MACROD2: variants seen among roughly 807,000 people sequenced by gnomAD.
MACROD2 encodes the protein mono-ADP ribosylhydrolase 2.
Under a neutral mutation model 70.4 loss-of-function variants are expected in MACROD2, and 36 were observed. The ratio of observed to expected loss-of-function variants is 0.51; its 90% confidence interval spans 0.39 to 0.68. The LOEUF (loss-of-function observed/expected upper bound fraction) is 0.68, where lower values mean the gene tolerates loss of function less well. Among genes scored for constraint, MACROD2 ranks in the 30% least tolerant of loss-of-function variants. The pLI, the probability that MACROD2 is intolerant of heterozygous loss-of-function variation, is 0.00. For missense variants in MACROD2, 496 were observed against 538.4 expected (o/e 0.92, Z 0.78); for synonymous variants, 172 against 178.8 (o/e 0.96, Z 0.30).
chr20:14,501,726 G>T (rs938350609), intron 4 of MACROD2, among the ~76,000 whole-genome samples: 1 of 152,078 alleles, frequency 6.6e-6, no homozygotes, highest in African/African-American at 2.4e-5. Context: ...GGAATTAAAG[G>T]TTGTAAAGAA....
At chr20:15,948,077 T>C (rs527331201) in intron 12 of MACROD2, among the ~76,000 whole-genome samples, 4 of 152,166 alleles carry the variant, frequency 2.6e-5, no homozygotes, top group African/African-American at 9.6e-5. Flanking sequence ...GAGGGGGGAC[T>C]GAGAGACAGG....
At chr20:15,459,107 C>A (rs1353898839) in intron 7 of MACROD2, among the ~76,000 whole-genome samples, 1 of 152,080 alleles carries the variant, frequency 6.6e-6, no homozygotes, top group Admixed American at 6.5e-5. Context: ...AGAGTGGAAA[C>A]ATTTCTTGAG....
At chr20:15,040,038 G>A (rs2075343263) in intron 5 of MACROD2, among the ~76,000 whole-genome samples, 1 of 152,200 alleles carries the variant, frequency 6.6e-6, no homozygotes, top group South Asian at 2.1e-4. Flanking sequence ...TGGATGTGAA[G>A]CATTGTTCAT....
intron 5 of MACROD2, among the ~76,000 whole-genome samples, chr20:15,222,558 C>T (rs1010000145): frequency 1.3e-5 from 2 of 152,146 alleles, no homozygotes; most frequent in African/African-American, 4.8e-5. Flanking sequence ...AGTTTAATTC[C>T]ATGCATTGGT....
intron 8 of MACROD2, among the ~76,000 whole-genome samples, chr20:15,736,678 G>T (rs2051025692): frequency 6.6e-6 from 1 of 152,192 alleles, no homozygotes; most frequent in South Asian, 2.1e-4. Context: ...TGGCCCTGTT[G>T]TGTCTGCAGG....
chr20:15,075,097 A>G (rs2075648005), intron 5 of MACROD2, among the ~76,000 whole-genome samples: 1 of 152,186 alleles, frequency 6.6e-6, no homozygotes, highest in Non-Finnish European at 1.5e-5. Context: ...AGTGGATAGA[A>G]GATGGGTAGG....
At chr20:15,619,113 T>G (rs1320583956) in intron 8 of MACROD2, among the ~76,000 whole-genome samples, 1 of 152,158 alleles carries the variant, frequency 6.6e-6, no homozygotes, top group Non-Finnish European at 1.5e-5. Context: ...CAAGCACTGA[T>G]CTTAGAAGAA....
At chr20:14,936,233 C>A (rs2074339452) in intron 5 of MACROD2, among the ~76,000 whole-genome samples, 1 of 152,080 alleles carries the variant, frequency 6.6e-6, no homozygotes, top group Non-Finnish European at 1.5e-5. Flanking sequence ...CAAGAAGGAG[C>A]CAGCCTTGCA....
intron 10 of MACROD2, among the ~76,000 whole-genome samples, chr20:15,921,968 G>A (rs1488017816): frequency 6.6e-6 from 1 of 152,220 alleles, no homozygotes. Flanking sequence ...GCCAGGGTAG[G>A]GGTATTTGTT....
At chr20:14,588,818 A>G (rs996698580) in intron 4 of MACROD2, among the ~76,000 whole-genome samples, 1 of 152,228 alleles carries the variant, frequency 6.6e-6, no homozygotes, top group East Asian at 1.9e-4. Context: ...AGCATGTAGC[A>G]TTTTATAAAA....
chr20:14,899,824 C>T (rs2073875101), intron 5 of MACROD2, among the ~76,000 whole-genome samples: 1 of 152,048 alleles, frequency 6.6e-6, no homozygotes, highest in African/African-American at 2.4e-5. Context: ...AACAACAAAC[C>T]AAACTTTAAG....
At chr20:15,209,568 G>T (rs1196789696) in intron 5 of MACROD2, among the ~76,000 whole-genome samples, 1 of 152,208 alleles carries the variant, frequency 6.6e-6, no homozygotes, top group Non-Finnish European at 1.5e-5. Context: ...ATCTTCTTTT[G>T]TAGGACAGGT....
chr20:15,921,134 G>C (rs2065398509), intron 10 of MACROD2, among the ~76,000 whole-genome samples: 1 of 152,120 alleles, frequency 6.6e-6, no homozygotes, highest in Admixed American at 6.5e-5. Flanking sequence ...TGCCCCCGTA[G>C]ACATGCCTCA....
At chr20:15,852,885 C>G (rs1176973734) in intron 8 of MACROD2, among the ~76,000 whole-genome samples, 1 of 152,132 alleles carries the variant, frequency 6.6e-6, no homozygotes, top group African/African-American at 2.4e-5. Context: ...GTGGCACACA[C>G]CTGTAGACCC....
At chr20:14,385,479 A>T (rs2083459570) in intron 3 of MACROD2, among the ~76,000 whole-genome samples, 1 of 152,198 alleles carries the variant, frequency 6.6e-6, no homozygotes, top group African/African-American at 2.4e-5. Flanking sequence ...TTAATGGACC[A>T]GTTTAATGCT....
intron 6 of MACROD2, among the ~76,000 whole-genome samples, chr20:15,326,847 G>A (rs973209309): frequency 2.0e-5 from 3 of 152,116 alleles, no homozygotes; most frequent in African/African-American, 7.2e-5. Flanking sequence ...CACATTGCAG[G>A]GTGAGGGAAG....
At chr20:14,657,394 G>A (rs1437071978) in intron 4 of MACROD2, among the ~76,000 whole-genome samples, 3 of 152,192 alleles carry the variant, frequency 2.0e-5, no homozygotes, top group African/African-American at 7.2e-5. Flanking sequence ...CTCAGCAACA[G>A]CTGGAAATAA....
chr20:14,312,715 A>C (rs1439693137), intron 3 of MACROD2, among the ~76,000 whole-genome samples: 1 of 152,226 alleles, frequency 6.6e-6, no homozygotes, highest in Non-Finnish European at 1.5e-5. Flanking sequence ...TATATTAAGT[A>C]CTTCATATAC....
At chr20:16,034,713 T>C (rs1224006213) in intron 15 of MACROD2, among the ~76,000 whole-genome samples, 3 of 151,918 alleles carry the variant, frequency 2.0e-5, no homozygotes, top group Non-Finnish European at 4.4e-5. Context: ...TTTGGTTACA[T>C]GAGTAAGTTC....
Sources: gnomAD v4.1 joint callset for allele counts (sites outside exome capture counted in the v4.1 genomes callset) on GRCh38, gnomAD v4.1.1 for gene constraint, MANE v1.5 for transcripts, NCBI Gene and HGNC (gene_info 2026-07-23, HGNC 2026-07-21) for gene names.